Variants in POLR1D observed in about 807,000 individuals in gnomAD.
POLR1D encodes DNA-directed RNA polymerases I and III subunit RPAC2.
POLR1D carries 8 observed loss-of-function variants against 10.8 expected under a neutral mutation model. That is an observed-to-expected ratio of 0.74 (90% CI 0.43 to 1.33). The LOEUF is 1.33. Ranked by LOEUF, POLR1D falls within the 40% of genes most tolerant of loss-of-function variation. The probability of loss-of-function intolerance (pLI) is 0.01; values close to 1 mark genes in which losing one functional copy is unlikely to be tolerated. For synonymous variants in POLR1D, 54 were observed against 57.2 expected (o/e 0.94, Z 0.25); for missense variants, 152 against 161.7 (o/e 0.94, Z 0.32).
At chr13:27,639,466 G>A (rs1956156103) in intron 1 of POLR1D, among the ~76,000 whole-genome samples, 1 of 152,042 alleles carries the variant, frequency 6.6e-6, no homozygotes, top group South Asian at 2.1e-4. Flanking sequence ...TTCAGTAAGA[G>A]GGGCCTTTCT....
At chr13:27,645,689 A>G (rs1057060298) in intron 1 of POLR1D, among the ~76,000 whole-genome samples, 1 of 152,158 alleles carries the variant, frequency 6.6e-6, no homozygotes, top group Non-Finnish European at 1.5e-5. Context: ...ACCAGTGGGA[A>G]CACGGTAGAC....
At chr13:27,622,782 TAATG>T in intron 1 of POLR1D, 89 bp from the exon 2 acceptor site, 1 of 765,776 alleles carries the variant, frequency 1.3e-6, no homozygotes. Context: ...AGATTAATAA[TAATG>T]TGTTGCAATG....
At chr13:27,649,738 T>C (rs79981203) in intron 2 of POLR1D, among the ~76,000 whole-genome samples, 11,038 of 152,116 alleles carry the variant, frequency 0.073, 555 homozygotes, top group African/African-American at 0.15. Flanking sequence ...ACAGAAAAGG[T>C]CTAGAAACAA....
chr13:27,649,779 CGGTG>C, intron 2 of POLR1D, among the ~76,000 whole-genome samples: 1 of 152,252 alleles, frequency 6.6e-6, no homozygotes, highest in Middle Eastern at 3.4e-3. Flanking sequence ...GTGAGCACCC[CGGTG>C]CCAAAACTGT....
chr13:27,655,142 A>C (rs1956297410), intron 2 of POLR1D, among the ~76,000 whole-genome samples: 1 of 152,236 alleles, frequency 6.6e-6, no homozygotes, highest in African/African-American at 2.4e-5. Flanking sequence ...AGCACAAGAT[A>C]AACATTCAAA....
intron 1 of POLR1D, among the ~76,000 whole-genome samples, chr13:27,638,739 A>G (rs1335885789): frequency 6.6e-6 from 1 of 152,160 alleles, no homozygotes; most frequent in Non-Finnish European, 1.5e-5. Flanking sequence ...GCTCTGAGGT[A>G]TTGTTTAGGA....
downstream of POLR1D, among the ~76,000 whole-genome samples, chr13:27,625,384 G>A (rs752281684): frequency 4.6e-5 from 7 of 152,138 alleles, no homozygotes; most frequent in African/African-American, 1.4e-4. Context: ...TAGGTTTGAG[G>A]TATATTTTAG....
chr13:27,644,080 T>A (rs180895767), intron 1 of POLR1D, among the ~76,000 whole-genome samples: 1 of 152,304 alleles, frequency 6.6e-6, no homozygotes, highest in Admixed American at 6.5e-5. Context: ...TGTTCCTAGC[T>A]TTCCTTCACC....
intron 2 of POLR1D, among the ~76,000 whole-genome samples, chr13:27,656,532 C>T (rs1956309787): frequency 6.6e-6 from 1 of 152,152 alleles, no homozygotes; most frequent in South Asian, 2.1e-4. Flanking sequence ...GGTGGGAGTG[C>T]ATGCATAGGT....
At chr13:27,660,415 A>C (rs1465092051) in intron 2 of POLR1D, among the ~76,000 whole-genome samples, 1 of 152,256 alleles carries the variant, frequency 6.6e-6, no homozygotes, top group Non-Finnish European at 1.5e-5. Context: ...ATTGAAGTGC[A>C]CTGCATGGAA....
chr13:27,634,379 TC>T (rs1956102267), intron 1 of POLR1D, among the ~76,000 whole-genome samples: 1 of 152,090 alleles, frequency 6.6e-6, no homozygotes, highest in Non-Finnish European at 1.5e-5. Context: ...AATAAGTTGG[TC>T]CCCATCGGAG....
exon 3 of POLR1D, chr13:27,666,086 AGGCTGCT>A (rs1388016055): frequency 1.2e-6 from 1 of 817,318 alleles, no homozygotes; most frequent in Admixed American, 2.8e-5. Context: ...GTTTTTAAAG[AGGCTGCT>A]GGCCACAGGC....
In POLR1D at chr13:27,623,397, A is replaced by G. The variant is rs190867386; in HGVS notation, c.*147A>G. ...GCTGTTGACCCCTTGCAGCTGTTGG[A>G]ATCTCTGCAAGAACCTCTGTATTCT... On this transcript the variant is annotated 3_prime_UTR_variant, in exon 2 of 2. Transcript: ENST00000302979. 3.1e-3 allele frequency: 4,539 copies of G among 1,483,026 alleles called. 15 individuals are homozygous for G. The highest frequency in any genetic ancestry group is 7.4e-3 in the Middle Eastern group (30 of 4,066). 91.9% of individuals were successfully genotyped at this position (1,483,026 alleles called of 1,614,324 possible).
At chr13:27,634,419 C>T (rs1956102801) in intron 1 of POLR1D, among the ~76,000 whole-genome samples, 1 of 152,194 alleles carries the variant, frequency 6.6e-6, no homozygotes, top group South Asian at 2.1e-4. Flanking sequence ...CAAGCCAGAA[C>T]ATGAGGAAGC....
At chr13:27,636,782 C>G (rs1357115609) in intron 1 of POLR1D, among the ~76,000 whole-genome samples, 3 of 152,154 alleles carry the variant, frequency 2.0e-5, no homozygotes, top group African/African-American at 7.2e-5. Context: ...GGTACCTATT[C>G]TATTTTTAAC....
chr13:27,635,599 G>A (rs916818775), intron 1 of POLR1D, among the ~76,000 whole-genome samples: 1 of 151,290 alleles, frequency 6.6e-6, no homozygotes, highest in African/African-American at 2.4e-5. Context: ...ACTATCAATA[G>A]TCTATCTATG....
At position 27,623,211 on chromosome 13, in the gene POLR1D, T is replaced by C; in HGVS notation, c.363T>C (p.Tyr121=). 5 of 1,614,090 alleles carry C rather than the reference T, an allele frequency of 3.1e-6. No homozygotes were observed. The highest frequency in any genetic ancestry group is 3.4e-6 in the Non-Finnish European group (4 of 1,180,022). Residue 121 remains tyrosine, a synonymous_variant, in exon 2 of 2, where the codon TAT becomes TAC. Transcript: ENST00000302979. ...AGTTTGAGGCCAGCATAAAGGACTA[T>C]AAGGATCAAAAAGCAAGCAGAAATG... is the stretch of plus-strand genomic sequence containing the variant. The part of the protein sequence containing the change: ...LDKFEASIKD[Y]KDQKASRNES...
chr13:27,624,678 GGAGTTT>G (rs1327984429), downstream of POLR1D, among the ~76,000 whole-genome samples: 2 of 152,082 alleles, frequency 1.3e-5, no homozygotes, highest in African/African-American at 4.8e-5. Flanking sequence ...CTTGAGCCCA[GGAGTTT>G]GAGACAAGCC....
intron 1 of POLR1D, among the ~76,000 whole-genome samples, chr13:27,639,841 T>A (rs1956158903): frequency 6.6e-6 from 1 of 152,178 alleles, no homozygotes; most frequent in Non-Finnish European, 1.5e-5. Context: ...CTTGTCATGA[T>A]AAGTACCATT....
Sources: gnomAD v4.1 joint callset for allele counts (sites outside exome capture counted in the v4.1 genomes callset) on GRCh38, gnomAD v4.1.1 for gene constraint, MANE v1.5 for transcripts, NCBI Gene and HGNC (gene_info 2026-07-23, HGNC 2026-07-21) for gene names.